The following CD300C variants were observed in gnomAD, a reference collection of about 807,000 sequenced individuals.
The protein encoded by CD300C is CMRF35-like molecule 6.
A neutral mutation model predicts 18.4 loss-of-function variants in CD300C; 11 were observed. The ratio of observed to expected loss-of-function variants is 0.60; its 90% CI spans 0.38 to 0.99. The LOEUF (loss-of-function observed/expected upper bound fraction) is 0.99. CD300C is among the 50% of genes least tolerant of loss of function. The pLI, the probability that CD300C is intolerant of heterozygous loss-of-function variation, is 0.01. For synonymous variants in CD300C, 116 were observed against 116.3 expected (o/e 1.00, Z 0.02); for missense variants, 277 against 287.4 (o/e 0.96, Z 0.26).
intron 2 of CD300C, among the ~76,000 whole-genome samples, chr17:74,544,097 G>A (rs1424673828): frequency 7.2e-5 from 11 of 152,168 alleles, no homozygotes; most frequent in Admixed American, 7.2e-4. Flanking sequence ...CAGACAGGGC[G>A]GCATCCATGC....
In CD300C at chr17:74,541,199, C is replaced by T. The variant is rs1176274086; in HGVS notation, c.*390G>A. The T allele has an allele frequency of 4.8e-6, 1 of 206,764 alleles. No homozygotes were observed. Among genetic ancestry groups the T allele is most frequent in the Non-Finnish European group, 9.9e-6 (1 of 100,676 alleles). The allele number at this position is 206,764 out of a possible 1,614,324, so 12.8% of individuals were successfully genotyped here. On this transcript the variant is annotated 3_prime_UTR_variant, in exon 4 of 4. Coordinates refer to ENST00000330793, the MANE Select transcript of CD300C (RefSeq NM_006678.5). ...AGCCGCATATTCTACACTCCTGGAC[C>T]CAGGGAGTGTGGGCCATTATGGTGG...
chr17:74,544,415 C>T (rs573994166), intron 2 of CD300C, among the ~76,000 whole-genome samples, 194 bp downstream of exon 2: 1 of 79,442 alleles, frequency 1.3e-5, no homozygotes, highest in African/African-American at 9.7e-5. Context: ...CACACACACA[C>T]AAACCACACC....
chr17:74,542,959 C>T lies in CD300C; in HGVS notation c.429G>A (p.Gln143=), dbSNP rs1293103440. 2 of 1,613,564 alleles carry T rather than the reference C, an allele frequency of 1.2e-6. No homozygotes were observed. Among genetic ancestry groups the T allele is most frequent in the African/African-American group, 2.7e-5 (2 of 74,942 alleles). ...GAGGACCTGAGGTGCCCATGGAGCT[C>T]TGGGGGCTGGAGGCTGTGGTCGTCC... ...PAGTTTASSP[Q]SSMGTSGPPT... Residue 143 remains glutamine (Q), a synonymous_variant, in exon 3 of 4, where the codon CAG becomes CAA. Transcript: ENST00000330793.
At chr17:74,538,462 T>C (rs940928321), downstream of CD300C, among the ~76,000 whole-genome samples, 2 of 152,182 alleles carry the variant, frequency 1.3e-5, no homozygotes, top group Non-Finnish European at 2.9e-5. Flanking sequence ...ACCTTGCCCC[T>C]ATCTCCAGTG....
intron 3 of CD300C, 78 bp from the exon 4 acceptor site, chr17:74,541,814 G>T (rs1908561198): frequency 6.6e-7 from 1 of 1,512,724 alleles, no homozygotes; most frequent in African/African-American, 1.4e-5. Context: ...CCTGACCCTT[G>T]TGTCCCAATC....
downstream of CD300C, among the ~76,000 whole-genome samples, chr17:74,540,000 T>C (rs1908494171): frequency 6.6e-6 from 1 of 152,246 alleles, no homozygotes; most frequent in African/African-American, 2.4e-5. Context: ...TCTCGAGTCT[T>C]ACCTGCCTTC....
chr17:74,540,601 C>T (rs1908514425), downstream of CD300C, among the ~76,000 whole-genome samples: 1 of 152,192 alleles, frequency 6.6e-6, no homozygotes, highest in Non-Finnish European at 1.5e-5. Context: ...AATCATCTGC[C>T]TCACAGGGGT....
chr17:74,542,983 C>G lies in CD300C; in HGVS notation c.405G>C (p.Gly135=). 6.2e-7 allele frequency: 1 copy of G among 1,613,556 alleles called. No individual in the cohort carries two copies. The highest frequency in any genetic ancestry group is 8.5e-7 in the Non-Finnish European group (1 of 1,180,014). ...TCTGGGGGCTGGAGGCTGTGGTCGT[C>G]CCGGCTGTGGGTGAAACACAGGTCA... ...VEVEVSVFPA[G]TTTASSPQSS... The change falls in exon 3 of 4, where the codon GGG becomes GGC. Residue 135 remains glycine, a synonymous_variant. Coordinates refer to ENST00000330793, the MANE Select transcript of CD300C (RefSeq NM_006678.5).
chr17:74,541,697 G>C lies in CD300C; in HGVS notation c.567C>G (p.Leu189=), dbSNP rs944664138. ...FSNVRFLLLV[L]LELPLLLSML... ...TGCTCAGGAGCAGGGGCAGCTCCAAGAGGACCAGGAGCAGGAAGCGGACAT... is the reference window on the plus strand; with the variant it reads ...TGCTCAGGAGCAGGGGCAGCTCCAACAGGACCAGGAGCAGGAAGCGGACAT... Residue 189 remains leucine (L), a synonymous_variant, in exon 4 of 4, where the codon CTC becomes CTG. Coordinates refer to ENST00000330793, the MANE Select transcript of CD300C (RefSeq NM_006678.5). 6.2e-7 allele frequency: 1 copy of C among 1,613,698 alleles called. No individual in the cohort carries two copies. Among genetic ancestry groups the C allele is most frequent in the Non-Finnish European group, 8.5e-7 (1 of 1,179,730 alleles).
chr17:74,541,731 A>G lies in CD300C; in HGVS notation c.533T>C (p.Leu178Pro). 1 of 1,613,254 alleles carries G rather than the reference A, an allele frequency of 6.2e-7. No homozygotes were observed. Among genetic ancestry groups the G allele is most frequent in the Non-Finnish European group, 8.5e-7 (1 of 1,179,556 alleles). The part of the protein sequence containing the change: ...SPEPSPHPGS[L>P]FSNVRFLLLV... ...GAGCAGGAAGCGGACATTGCTGAAC[A>G]GGGAGCTGTGGGGACACGGTGACAG... Residue 178 changes from leucine to proline, a missense_variant, in exon 4 of 4, where the codon CTG (leucine) becomes CCG (proline). Leu to Pro is a moderately conservative substitution (Grantham distance 98). Coordinates refer to ENST00000330793, the MANE Select transcript of CD300C (RefSeq NM_006678.5).
At chr17:74,541,942 G>A (rs1327180057) in intron 3 of CD300C, among the ~76,000 whole-genome samples, 1 of 152,222 alleles carries the variant, frequency 6.6e-6, no homozygotes, top group South Asian at 2.1e-4. Flanking sequence ...GACACAGGAA[G>A]GGCAGGACCA....
At chr17:74,536,476 T>C (rs568226255), downstream of CD300C, among the ~76,000 whole-genome samples, 2 of 138,996 alleles carry the variant, frequency 1.4e-5, no homozygotes, top group Admixed American at 1.7e-4. Flanking sequence ...GAGCTTGCAG[T>C]GAGCCGAGAT....
intron 2 of CD300C, 41 bp downstream of exon 2, chr17:74,544,568 A>G (rs1908679976): frequency 6.3e-7 from 1 of 1,576,674 alleles, no homozygotes; most frequent in Non-Finnish European, 8.6e-7. Context: ...GACCAGCCCT[A>G]GGCTCAGGCA....
chr17:74,544,827 T>C lies in CD300C; in HGVS notation c.182A>G (p.Gln61Arg), dbSNP rs1158729227. ...CACAATCTTGTCACATCGGAGAATCTGTGGTGGTCTGCACCAGAATTTGTT... is the reference window on the plus strand; with the variant it reads ...CACAATCTTGTCACATCGGAGAATCCGTGGTGGTCTGCACCAGAATTTGTT... ...TLNKFWCRPP[Q>R]ILRCDKIVET... The change falls in exon 2 of 4, where the codon CAG (glutamine) becomes CGG (arginine). Residue 61 changes from glutamine to arginine, a missense_variant. Physicochemically the swap from Gln to Arg is conservative, Grantham distance 43. Coordinates refer to ENST00000330793, the MANE Select transcript of CD300C (RefSeq NM_006678.5). 6.2e-7 allele frequency: 1 copy of C among 1,614,136 alleles called. No individual in the cohort carries two copies. The highest frequency in any genetic ancestry group is 8.5e-7 in the Non-Finnish European group (1 of 1,180,058).
At chr17:74,540,151 T>G (rs1054482550), downstream of CD300C, among the ~76,000 whole-genome samples, 1 of 152,142 alleles carries the variant, frequency 6.6e-6, no homozygotes, top group Non-Finnish European at 1.5e-5. Context: ...AAGTCTAAGA[T>G]GCCCCCCTGG....
chr17:74,544,549 G>C, intron 2 of CD300C, 60 bp downstream of exon 2: 1 of 1,545,308 alleles, frequency 6.5e-7, no homozygotes, highest in Non-Finnish European at 8.8e-7. Context: ...CTTTCTTCAG[G>C]GACAGAATGA....
downstream of CD300C, among the ~76,000 whole-genome samples, chr17:74,540,854 G>A (rs1376477794): frequency 6.6e-6 from 1 of 152,216 alleles, no homozygotes; most frequent in Non-Finnish European, 1.5e-5. Context: ...GCCTGGTTAT[G>A]CTACCACAGT....
intron 1 of CD300C, 46 bp from the exon 2 acceptor site, chr17:74,544,993 G>A: frequency 6.5e-7 from 1 of 1,536,062 alleles, no homozygotes; most frequent in Non-Finnish European, 8.8e-7. Context: ...AGAGGGGCCT[G>A]GTCAGGGGTG....
the CD300C span, among the ~76,000 whole-genome samples, chr17:74,535,181 A>G: frequency 1.3e-5 from 2 of 152,182 alleles, no homozygotes. Context: ...AGATGCCACA[A>G]AATGGGGCGG....
Sources: gnomAD v4.1 joint callset for allele counts (sites outside exome capture counted in the v4.1 genomes callset) on GRCh38, gnomAD v4.1.1 for gene constraint, MANE v1.5 for transcripts, NCBI Gene and HGNC (gene_info 2026-07-23, HGNC 2026-07-21) for gene names.